RBFOX1: variants seen among roughly 807,000 people sequenced by gnomAD.
The protein encoded by RBFOX1 is RNA binding protein fox-1 homolog 1.
Under a neutral mutation model 57.7 loss-of-function variants are expected in RBFOX1, and 8 were observed. That is an observed-to-expected ratio of 0.14 (90% CI 0.08 to 0.25). The LOEUF (loss-of-function observed/expected upper bound fraction) is 0.25. RBFOX1 is among the 10% of genes least tolerant of loss of function. The probability of loss-of-function intolerance (pLI) is 1.00; values close to 1 mark genes in which losing one functional copy is unlikely to be tolerated. For missense variants in RBFOX1, 611 were observed against 548.5 expected (o/e 1.11, Z -1.14); for synonymous variants, 326 against 222.4 (o/e 1.47, Z -4.15).
chr16:7,056,596 G>C (rs1267905106), intron 4 of RBFOX1, among the ~76,000 whole-genome samples: 1 of 152,102 alleles, frequency 6.6e-6, no homozygotes. Flanking sequence ...ATGATCCTGG[G>C]GGCCTGTTGT....
chr16:5,441,030 T>C (rs1298829973), intron 1 of RBFOX1, among the ~76,000 whole-genome samples: 2 of 152,126 alleles, frequency 1.3e-5, no homozygotes, highest in Non-Finnish European at 2.9e-5. Flanking sequence ...AACAAATTGA[T>C]CGTGAAAATG....
At chr16:5,260,394 A>C (rs146734711) in intron 1 of RBFOX1, among the ~76,000 whole-genome samples, 1,953 of 152,304 alleles carry the variant, frequency 0.013, 42 homozygotes, top group African/African-American at 0.045. Context: ...ATGAAGAGAC[A>C]CTTCTGATCA....
intron 3 of RBFOX1, chr16:6,748,969 C>G (rs895679495): frequency 6.6e-6 from 1 of 152,142 alleles, no homozygotes; most frequent in Admixed American, 6.5e-5. Context: ...AGAAAGTTCT[C>G]TCCTAATTGA....
intron 4 of RBFOX1, among the ~76,000 whole-genome samples, chr16:7,386,672 G>C (rs988922606): frequency 1.3e-5 from 2 of 152,092 alleles, no homozygotes; most frequent in African/African-American, 4.8e-5. Context: ...ATTGTGAACA[G>C]TGCCACAGTA....
chr16:7,423,375 G>T (rs1438927214), intron 4 of RBFOX1, among the ~76,000 whole-genome samples: 1 of 152,006 alleles, frequency 6.6e-6, no homozygotes, highest in South Asian at 2.1e-4. Flanking sequence ...GGGGGTGCAG[G>T]CAGGGGAGAT....
At chr16:5,321,524 G>A (rs2064406649) in intron 1 of RBFOX1, among the ~76,000 whole-genome samples, 1 of 152,110 alleles carries the variant, frequency 6.6e-6, no homozygotes, top group South Asian at 2.1e-4. Flanking sequence ...TTTTCACTGT[G>A]TTAGCCAGGA....
intron 1 of RBFOX1, among the ~76,000 whole-genome samples, chr16:6,230,680 G>A (rs1013834511): frequency 6.6e-6 from 1 of 152,156 alleles, no homozygotes; most frequent in Non-Finnish European, 1.5e-5. Context: ...AACAATTCAA[G>A]GGGACCTTCA....
intron 1 of RBFOX1, among the ~76,000 whole-genome samples, chr16:5,262,038 T>C (rs947956276): frequency 5.9e-5 from 9 of 152,230 alleles, no homozygotes; most frequent in Non-Finnish European, 1.2e-4. Context: ...ATAAGGGAGT[T>C]TGTAATAAAT....
intron 4 of RBFOX1, among the ~76,000 whole-genome samples, chr16:7,094,116 T>G (rs780510683): frequency 3.3e-5 from 5 of 151,094 alleles, no homozygotes; most frequent in Admixed American, 6.7e-5. Flanking sequence ...ATTTTACATT[T>G]TGAGTGGTGT....
At chr16:7,338,967 T>G (rs911571310) in intron 4 of RBFOX1, among the ~76,000 whole-genome samples, 5 of 152,210 alleles carry the variant, frequency 3.3e-5, no homozygotes, top group African/African-American at 1.2e-4. Context: ...TGGCGTCATT[T>G]ACTCTGAGGC....
intron 4 of RBFOX1, among the ~76,000 whole-genome samples, chr16:7,439,680 A>T (rs1025176351): frequency 6.6e-6 from 1 of 152,206 alleles, no homozygotes; most frequent in Non-Finnish European, 1.5e-5. Flanking sequence ...TAAAGGCACT[A>T]TTCATGCAAG....
At chr16:6,423,245 A>G (rs1191057565) in intron 2 of RBFOX1, among the ~76,000 whole-genome samples, 1 of 152,182 alleles carries the variant, frequency 6.6e-6, no homozygotes, top group Non-Finnish European at 1.5e-5. Flanking sequence ...GGCCTTCCGC[A>G]AGCTGCAGAG....
chr16:7,248,536 C>T (rs1251988785), intron 4 of RBFOX1, among the ~76,000 whole-genome samples: 2 of 152,216 alleles, frequency 1.3e-5, no homozygotes, highest in African/African-American at 2.4e-5. Context: ...TTTCACCCAT[C>T]ACAGATGGTT....
At chr16:7,466,038 C>T (rs991344493) in intron 4 of RBFOX1, among the ~76,000 whole-genome samples, 7 of 152,164 alleles carry the variant, frequency 4.6e-5, no homozygotes, top group African/African-American at 1.7e-4. Flanking sequence ...TTTTCTGATC[C>T]TGAGCTTAGG....
At chr16:5,842,849 C>T (rs1044898323) in intron 3 of RBFOX1, among the ~76,000 whole-genome samples, 22 of 152,010 alleles carry the variant, frequency 1.4e-4, no homozygotes, top group Non-Finnish European at 2.4e-4. Flanking sequence ...GACAGACTCT[C>T]GCACTGTCGC....
chr16:5,848,776 G>A (rs150586266), intron 3 of RBFOX1, among the ~76,000 whole-genome samples: 50 of 151,950 alleles, frequency 3.3e-4, no homozygotes, highest in African/African-American at 9.9e-4. Flanking sequence ...GTGAAACCCC[G>A]TCTCTAATAA....
At chr16:5,260,310 C>T (rs9673640) in intron 1 of RBFOX1, among the ~76,000 whole-genome samples, 21,502 of 152,062 alleles carry the variant, frequency 0.14, 1,633 homozygotes, top group Middle Eastern at 0.18. Context: ...CCCCAAATCT[C>T]ACGACCCCAA....
At chr16:7,623,860 G>A in intron 10 of RBFOX1, among the ~76,000 whole-genome samples, 1 of 152,008 alleles carries the variant, frequency 6.6e-6, no homozygotes, top group Admixed American at 6.6e-5. Flanking sequence ...TCCTCTTCTT[G>A]TAAGATCTGT....
At chr16:6,890,002 GCTTA>G (rs1176478695) in intron 3 of RBFOX1, among the ~76,000 whole-genome samples, 1 of 152,172 alleles carries the variant, frequency 6.6e-6, no homozygotes, top group East Asian at 1.9e-4. Context: ...TTGTACAGTT[GCTTA>G]CCATTTATGG....
Sources: allele counts gnomAD v4.1 joint callset (sites outside exome capture counted in the v4.1 genomes callset), GRCh38; gene constraint gnomAD v4.1.1; transcripts MANE v1.5; gene names NCBI Gene and HGNC (gene_info 2026-07-23, HGNC 2026-07-21).